Variants in ANTXR1 observed in about 807,000 individuals in gnomAD.
ANTXR1 encodes ANTXR cell adhesion molecule 1.
Under a neutral mutation model 78.1 loss-of-function variants are expected in ANTXR1, and 19 were observed. The observed-to-expected ratio is 0.24, with a 90% CI of 0.17 to 0.36. The LOEUF is 0.36. Among genes scored for constraint, ANTXR1 ranks in the 10% least tolerant of loss-of-function variants. The pLI is 1.00. For missense variants in ANTXR1, 518 were observed against 718.6 expected (o/e 0.72, Z 3.19); for synonymous variants, 273 against 260.5 (o/e 1.05, Z -0.46).
chr2:69,064,800 A>G (rs966892999), intron 3 of ANTXR1, among the ~76,000 whole-genome samples: 13 of 152,230 alleles, frequency 8.5e-5, no homozygotes, highest in Admixed American at 6.5e-4. Context: ...GGTTAAAGAA[A>G]AATCACAAGG....
At chr2:69,031,959 A>G (rs10176554) in intron 1 of ANTXR1, among the ~76,000 whole-genome samples, 43,006 of 152,070 alleles carry the variant, frequency 0.28, 11,337 homozygotes, top group African/African-American at 0.66. Flanking sequence ...TGCAGTTGCT[A>G]AAGAGAAAAG....
At chr2:69,156,174 C>T (rs1673520127) in intron 13 of ANTXR1, among the ~76,000 whole-genome samples, 1 of 152,176 alleles carries the variant, frequency 6.6e-6, no homozygotes, top group Non-Finnish European at 1.5e-5. Flanking sequence ...AAGAACTCCT[C>T]CCAAACTGCA....
At chr2:69,200,731 C>G (rs1171087903) in intron 17 of ANTXR1, among the ~76,000 whole-genome samples, 2 of 152,206 alleles carry the variant, frequency 1.3e-5, no homozygotes, top group African/African-American at 2.4e-5. Context: ...GGACTAAACT[C>G]TGGCTTCCAG....
intron 12 of ANTXR1, among the ~76,000 whole-genome samples, chr2:69,141,497 A>G (rs1394737558): frequency 6.6e-6 from 1 of 151,772 alleles, no homozygotes; most frequent in African/African-American, 2.4e-5. Flanking sequence ...AGTGTGCGCA[A>G]GTCAACAAGC....
At chr2:69,214,356 T>C (rs185875073) in intron 17 of ANTXR1, among the ~76,000 whole-genome samples, 253 of 152,356 alleles carry the variant, frequency 1.7e-3, no homozygotes, top group Non-Finnish European at 2.6e-3. Context: ...CTTCTACTCC[T>C]TGTAAATTTT....
intron 2 of ANTXR1, among the ~76,000 whole-genome samples, chr2:69,042,208 A>T (rs764131590): frequency 5.9e-5 from 9 of 152,054 alleles, no homozygotes; most frequent in Non-Finnish European, 1.5e-5. Flanking sequence ...ATTTATCTTT[A>T]TTCTGACCTT....
Position 69,070,517 on chromosome 2 carries a change from T to C in ANTXR1, c.297-130T>C, listed in dbSNP as rs147628693. On this transcript the variant is annotated intron_variant, in intron 3 of 17. Transcript: ENST00000303714. ...GATAATATAAAGGCCTTCCCTTTGATAGGCTTTTGGGGAATTACTGGGACT... is the reference window on the plus strand; with the variant it reads ...GATAATATAAAGGCCTTCCCTTTGACAGGCTTTTGGGGAATTACTGGGACT... 3.0e-3 allele frequency: 2,505 copies of C among 831,448 alleles called. 43 individuals carry two copies. In the African/African-American group the frequency reaches 0.037, roughly 12 times the overall value. 51.5% of individuals were successfully genotyped at this position (831,448 alleles called of 1,614,324 possible). A position where few individuals can be genotyped will look rare whatever the true frequency, so the allele number is the denominator to read the frequency against.
chr2:69,020,434 G>T (rs138128117), intron 1 of ANTXR1, among the ~76,000 whole-genome samples: 2 of 141,224 alleles, frequency 1.4e-5, no homozygotes, highest in African/African-American at 6.4e-5. Context: ...TTGTGTTTCT[G>T]TCTGGGTCAG....
chr2:69,141,368 G>A (rs1001542347), intron 12 of ANTXR1, among the ~76,000 whole-genome samples: 1 of 152,142 alleles, frequency 6.6e-6, no homozygotes, highest in African/African-American at 2.4e-5. Context: ...CATACATAAA[G>A]AAAAAGAAGT....
chr2:69,240,108 T>G (rs1675859846), intron 17 of ANTXR1, among the ~76,000 whole-genome samples: 1 of 152,222 alleles, frequency 6.6e-6, no homozygotes, highest in Admixed American at 6.5e-5. Context: ...CTCATAGCTG[T>G]GTTCCTGGAT....
chr2:69,034,986 G>T (rs777760862), intron 1 of ANTXR1, among the ~76,000 whole-genome samples: 23 of 152,158 alleles, frequency 1.5e-4, no homozygotes, highest in Non-Finnish European at 3.1e-4. Context: ...TTGAGAGGAA[G>T]CCCAGGGTCT....
At chr2:69,023,814 G>A (rs1671267121) in intron 1 of ANTXR1, among the ~76,000 whole-genome samples, 1 of 152,198 alleles carries the variant, frequency 6.6e-6, no homozygotes, top group Non-Finnish European at 1.5e-5. Context: ...CTTCATAGAG[G>A]AGGTGACTTT....
At chr2:69,186,917 A>G (rs1206529184) in intron 16 of ANTXR1, among the ~76,000 whole-genome samples, 1 of 152,168 alleles carries the variant, frequency 6.6e-6, no homozygotes, top group Non-Finnish European at 1.5e-5. Flanking sequence ...CAGGTCAGGG[A>G]GAGTGACCCA....
At chr2:69,170,078 G>A (rs1319821783) in intron 13 of ANTXR1, among the ~76,000 whole-genome samples, 170 bp from the exon 14 acceptor site, 1 of 152,220 alleles carries the variant, frequency 6.6e-6, no homozygotes, top group Non-Finnish European at 1.5e-5. Context: ...AACTAGCAGA[G>A]CTACTCTGTC....
chr2:69,193,529 A>G (rs1407082161), intron 17 of ANTXR1, 114 bp downstream of exon 17: 1 of 980,848 alleles, frequency 1.0e-6, no homozygotes, highest in Non-Finnish European at 1.6e-6. Flanking sequence ...GAGCTAAAAT[A>G]ACTTTGGATT....
chr2:69,133,936 T>C (rs182714894), intron 12 of ANTXR1, among the ~76,000 whole-genome samples: 1 of 152,284 alleles, frequency 6.6e-6, no homozygotes, highest in Admixed American at 6.5e-5. Flanking sequence ...TGTATGACTT[T>C]AGACTGAAAT....
At chr2:69,126,798 C>T (rs1394998897) in intron 12 of ANTXR1, among the ~76,000 whole-genome samples, 1 of 152,232 alleles carries the variant, frequency 6.6e-6, no homozygotes, top group East Asian at 1.9e-4. Flanking sequence ...ACTACACCTT[C>T]CCAACCCACG....
chr2:69,215,528 G>C (rs1417012455), intron 17 of ANTXR1, among the ~76,000 whole-genome samples: 1 of 152,156 alleles, frequency 6.6e-6, no homozygotes, highest in East Asian at 1.9e-4. Context: ...GACATCATCT[G>C]GTTTATTCAC....
At chr2:69,100,230 G>C (rs1558545723) in intron 9 of ANTXR1, among the ~76,000 whole-genome samples, 1 of 152,206 alleles carries the variant, frequency 6.6e-6, no homozygotes, top group Admixed American at 6.5e-5. Flanking sequence ...ATTCGAAAGG[G>C]TTTTGTTACA....
Sources: allele counts gnomAD v4.1 joint callset (sites outside exome capture counted in the v4.1 genomes callset), GRCh38; gene constraint gnomAD v4.1.1; transcripts MANE v1.5; gene names NCBI Gene and HGNC (gene_info 2026-07-23, HGNC 2026-07-21).